GCKR: variants seen among roughly 807,000 people sequenced by gnomAD.
GCKR encodes the protein glucokinase regulatory protein.
GCKR carries 73 observed loss-of-function variants against 82.9 expected under a neutral mutation model. That is an observed-to-expected ratio of 0.88 (90% CI 0.73 to 1.07). The LOEUF (loss-of-function observed/expected upper bound fraction) is 1.07. GCKR is among the 50% of genes least tolerant of loss of function. The pLI is 0.00. For missense variants in GCKR, 784 were observed against 782.1 expected (o/e 1.00, Z -0.03); for synonymous variants, 294 against 291.8 (o/e 1.01, Z -0.08).
At chr2:27,512,074 A>G (rs1020363009) in intron 16 of GCKR, among the ~76,000 whole-genome samples, 5 of 151,966 alleles carry the variant, frequency 3.3e-5, no homozygotes, top group Non-Finnish European at 7.4e-5. Context: ...CCTGATCTCT[A>G]CTAAAAATAC....
At chr2:27,500,807 A>C (rs1025853402) in intron 7 of GCKR, among the ~76,000 whole-genome samples, 3 of 152,256 alleles carry the variant, frequency 2.0e-5, no homozygotes, top group African/African-American at 7.2e-5. Flanking sequence ...TTCACTTCGC[A>C]GAAACTAGAT....
intron 9 of GCKR, among the ~76,000 whole-genome samples, chr2:27,504,485 G>A (rs1009715713): frequency 2.0e-5 from 3 of 151,886 alleles, no homozygotes; most frequent in Non-Finnish European, 2.9e-5. Context: ...AGTCTGCGGA[G>A]TAGCTGGGAT....
chr2:27,514,157 GAAT>G (rs1458942545), intron 16 of GCKR, among the ~76,000 whole-genome samples: 1 of 151,790 alleles, frequency 6.6e-6, no homozygotes, highest in Non-Finnish European at 1.5e-5. Flanking sequence ...TCAGTAGAAA[GAAT>G]AAGGGTGTGT....
At chr2:27,502,969 T>C (rs573858841) in intron 8 of GCKR, among the ~76,000 whole-genome samples, 1 of 152,348 alleles carries the variant, frequency 6.6e-6, no homozygotes, top group South Asian at 2.1e-4. Flanking sequence ...ATGAACACAT[T>C]TATTTGTTCC....
chr2:27,505,615 G>T (rs1669707250), intron 9 of GCKR, 103 bp from the exon 10 acceptor site: 1 of 737,712 alleles, frequency 1.4e-6, no homozygotes, highest in African/African-American at 1.7e-5. Context: ...AAGCACACTG[G>T]GGGCCACTGG....
chr2:27,506,965 C>G (rs1669763706), intron 12 of GCKR, 80 bp downstream of exon 12: 8 of 940,528 alleles, frequency 8.5e-6, no homozygotes, highest in Non-Finnish European at 1.1e-5. Flanking sequence ...CTGTCCTACT[C>G]CCAACCCATG....
intron 8 of GCKR, among the ~76,000 whole-genome samples, chr2:27,502,204 C>T (rs1017299923): frequency 9.2e-5 from 14 of 152,136 alleles, no homozygotes; most frequent in African/African-American, 2.7e-4. Context: ...ATAATTTATG[C>T]GAAGGTGTAA....
chr2:27,516,057 G>A (rs1482633858), intron 16 of GCKR, among the ~76,000 whole-genome samples: 1 of 151,242 alleles, frequency 6.6e-6, no homozygotes, highest in Non-Finnish European at 1.5e-5. Flanking sequence ...GGTTACTGGG[G>A]TGAGCCACCG....
intron 17 of GCKR, among the ~76,000 whole-genome samples, chr2:27,520,263 TG>T (rs1670118333): frequency 6.6e-6 from 1 of 151,602 alleles, no homozygotes; most frequent in Admixed American, 6.6e-5. Flanking sequence ...ATAAAGAAGG[TG>T]GGGGTCAGAA....
chr2:27,523,364 C>G lies in GCKR; in HGVS notation c.1803C>G (p.Val601=), dbSNP rs1472505066. Residue 601 remains valine (V), a synonymous_variant, in exon 19 of 19, where the codon GTC becomes GTG. Coordinates refer to ENST00000264717, the MANE Select transcript of GCKR (RefSeq NM_001486.4). ...CAGCTCCTTCTGTCTGTGAGGCTGT[C>G]AGGAGTGCTCTTGCTGGGCCAGGTC... The part of the protein sequence containing the change: ...LAAAPSVCEA[V]RSALAGPGQK... The G allele has an allele frequency of 2.5e-6, 4 of 1,612,644 alleles. No individual in the cohort carries two copies. Among genetic ancestry groups the G allele is most frequent in the Non-Finnish European group, 3.4e-6 (4 of 1,179,946 alleles).
In GCKR at chr2:27,496,977, C is replaced by A; in HGVS notation, c.60+13C>A. On this transcript the variant is annotated intron_variant, in intron 1 of 18. Coordinates refer to ENST00000264717, the MANE Select transcript of GCKR (RefSeq NM_001486.4). ...TGGCAAGTGGGAGGTGAGACCCCTT[C>A]TTCATGTTGGCTTTCTGTGCTGATT... The A allele has an allele frequency of 6.2e-7, 1 of 1,603,356 alleles. No homozygotes were observed. The highest frequency in any genetic ancestry group is 2.2e-5 in the East Asian group (1 of 44,824).
Position 27,496,985 on chromosome 2 carries a change from T to A in GCKR, c.60+21T>A. 1.9e-6 allele frequency: 3 copies of A among 1,585,108 alleles called. No homozygotes were observed. The South Asian group carries it at 3.3e-5, about 18-fold the overall frequency. On this transcript the variant is annotated intron_variant, in intron 1 of 18. Transcript: ENST00000264717. ...GGGAGGTGAGACCCCTTCTTCATGT[T>A]GGCTTTCTGTGCTGATTCCTAGAAT...
rs1309929192 is a variant in GCKR at position 27,496,971 on chromosome 2, C to A, written c.60+7C>A. On this transcript the variant is annotated splice_region_variant and intron_variant, in intron 1 of 18. Transcript: ENST00000264717. ...GGAGCCTGGCAAGTGGGAGGTGAGA[C>A]CCCTTCTTCATGTTGGCTTTCTGTG... is the stretch of plus-strand genomic sequence containing the variant. 3 of 1,607,204 alleles carry A rather than the reference C, an allele frequency of 1.9e-6. No individual in the cohort carries two copies. The highest frequency in any genetic ancestry group is 2.6e-6 in the Non-Finnish European group (3 of 1,173,830).
intron 9 of GCKR, among the ~76,000 whole-genome samples, chr2:27,504,685 CTT>C (rs982576897): frequency 4.6e-5 from 7 of 152,094 alleles, no homozygotes; most frequent in Non-Finnish European, 7.4e-5. Context: ...GCTGTAGCCT[CTT>C]TGTCTGTCTG....
intron 16 of GCKR, among the ~76,000 whole-genome samples, chr2:27,518,540 C>T (rs1389255677): frequency 6.6e-6 from 1 of 152,186 alleles, no homozygotes; most frequent in Non-Finnish European, 1.5e-5. Context: ...TGGAAGGACT[C>T]AGAGAACATG....
chr2:27,508,135 A>T, intron 15 of GCKR, 33 bp from the exon 16 acceptor site: 1 of 1,586,702 alleles, frequency 6.3e-7, no homozygotes, highest in Non-Finnish European at 8.7e-7. Flanking sequence ...CTTCCTGGAG[A>T]TGCCTCTCCT....
chr2:27,508,957 A>G (rs1007303506), intron 16 of GCKR, among the ~76,000 whole-genome samples: 2 of 151,996 alleles, frequency 1.3e-5, no homozygotes, highest in Non-Finnish European at 2.9e-5. Context: ...ATGAATTATA[A>G]TCCAGCACAA....
rs560883335 is a variant in GCKR, at chr2:27,510,158, G to A, written c.1422+1907G>A. ...TGAGCAGCTGGGACTACAGGTGCCC[G>A]CCACCACGCCTGGCTAATTTTTTGT... is the stretch of plus-strand genomic sequence containing the variant. On this transcript the variant is annotated intron_variant, in intron 16 of 18. Transcript: ENST00000264717. 7.9e-5 allele frequency among the ~76,000 whole-genome samples: 12 copies of A among 151,994 alleles called. No individual in the cohort carries two copies. The South Asian group carries it at 2.3e-3, about 29-fold the overall frequency.
At chr2:27,519,502 A>G (rs1438981836) in intron 17 of GCKR, among the ~76,000 whole-genome samples, 1 of 152,000 alleles carries the variant, frequency 6.6e-6, no homozygotes, top group Non-Finnish European at 1.5e-5. Context: ...GGGTTTTGCC[A>G]TGTTGGCCAG....
Sources: allele counts gnomAD v4.1 joint callset (sites outside exome capture counted in the v4.1 genomes callset), GRCh38; gene constraint gnomAD v4.1.1; transcripts MANE v1.5; gene names NCBI Gene and HGNC (gene_info 2026-07-23, HGNC 2026-07-21).